Variants in TNFRSF8 observed in about 807,000 individuals in gnomAD.
The protein encoded by TNFRSF8 is TNF receptor superfamily member 8.
In TNFRSF8, 26 loss-of-function variants were observed where a neutral mutation model predicts 70.8. That is an observed-to-expected ratio of 0.37 (90% confidence interval 0.27 to 0.51). The LOEUF (loss-of-function observed/expected upper bound fraction) is 0.51, where lower values mean the gene tolerates loss of function less well. Among genes scored for constraint, TNFRSF8 ranks in the 20% least tolerant of loss-of-function variants. TNFRSF8 has a pLI of 0.94. For synonymous variants in TNFRSF8, 356 were observed against 339.2 expected, an observed-to-expected ratio of 1.05 and a Z score of -0.54; for missense variants, 720 against 807.9, an observed-to-expected ratio of 0.89 and a Z score of 1.32.
chr1:12,081,240 G>C (rs532231400), intron 1 of TNFRSF8, among the ~76,000 whole-genome samples: 10 of 152,190 alleles, frequency 6.6e-5, no homozygotes, highest in African/African-American at 1.2e-4. Flanking sequence ...AGCAGGGCCT[G>C]GGCCCATGGT....
chr1:12,095,270 G>T (rs978027202), intron 2 of TNFRSF8, among the ~76,000 whole-genome samples: 3 of 151,842 alleles, frequency 2.0e-5, no homozygotes, highest in Non-Finnish European at 4.4e-5. Flanking sequence ...AGTTTACAAA[G>T]AATCACATGT....
chr1:12,109,748 C>A lies in TNFRSF8; in HGVS notation c.512+92C>A. The A allele has an allele frequency of 8.7e-7, 1 of 1,148,564 alleles. No individual in the cohort carries two copies. The highest frequency in any genetic ancestry group is 1.3e-6 in the Non-Finnish European group (1 of 779,906). The allele number at this position is 1,148,564 out of a possible 1,614,324, so 71.1% of individuals were successfully genotyped here. On this transcript the variant is annotated intron_variant, in intron 5 of 14. Coordinates refer to ENST00000263932, the MANE Select transcript of TNFRSF8 (RefSeq NM_001243.5). The surrounding 1 kb of genome is among the most constrained non-coding windows in gnomAD (Gnocchi z 4.4). ...ACAGGACGCCCATGGTACAACTGGG[C>A]TGGGGGTGTAAGCGGGATTCAGCCC...
intron 1 of TNFRSF8, chr1:12,080,555 C>G: frequency 2.5e-6 from 1 of 402,426 alleles, no homozygotes; most frequent in Non-Finnish European, 4.8e-6. Context: ...CTTTTAATAC[C>G]TATTTTTATT....
Position 12,093,601 on chromosome 1 carries a change from C to T in TNFRSF8, c.152-3500C>T, listed in dbSNP as rs474703. ...CGTTGTCCAGGCTGGGGTGCAGTGG[C>T]GCTATGCCCGCTCACTGCAACCTCT... On this transcript the variant is annotated intron_variant, in intron 2 of 14. Transcript: ENST00000263932. Among the ~76,000 whole-genome samples, 30 of 151,986 alleles carry T rather than the reference C, an allele frequency of 2.0e-4. 2 individuals carry two copies. In the South Asian group the frequency reaches 3.3e-3, roughly 17 times the overall value.
chr1:12,090,790 G>A (rs1570010569), intron 2 of TNFRSF8, among the ~76,000 whole-genome samples: 1 of 152,164 alleles, frequency 6.6e-6, no homozygotes, highest in Non-Finnish European at 1.5e-5. Context: ...TAAGAAAAGG[G>A]GGTGCCATAG....
At chr1:12,140,933 C>T (rs1227623131) in intron 14 of TNFRSF8, among the ~76,000 whole-genome samples, 3 of 152,130 alleles carry the variant, frequency 2.0e-5, no homozygotes, top group Non-Finnish European at 4.4e-5. Flanking sequence ...TATAGGGCTC[C>T]TAGGGCTGGG....
Position 12,112,311 on chromosome 1 carries a change from G to C in TNFRSF8, c.793+297G>C, listed in dbSNP as rs926919280. ...GTCAGGGAACTTCCAAGGGCTGTGG[G>C]CTGGAGTTTGAACCCAGACAGGTGC... On this transcript the variant is annotated intron_variant, in intron 7 of 14. Coordinates refer to ENST00000263932, the MANE Select transcript of TNFRSF8 (RefSeq NM_001243.5). This position sits in a 1 kb window ranked among gnomAD's most constrained non-coding sequence, Gnocchi z 5.3. Among the ~76,000 whole-genome samples, 4 of 152,082 alleles carry C rather than the reference G, an allele frequency of 2.6e-5. No individual in the cohort carries two copies.
intron 2 of TNFRSF8, among the ~76,000 whole-genome samples, chr1:12,085,666 C>T (rs574902373): frequency 1.7e-3 from 258 of 152,304 alleles, no homozygotes; most frequent in African/African-American, 6.0e-3. Flanking sequence ...CTGGAATGTT[C>T]CCCCACCCCC....
Position 12,063,575 on chromosome 1 carries a change from G to A in TNFRSF8, c.-24G>A. ...TTCCCAGGTGGGCGCCGGCCGCCAG[G>A]CCACCTCACGTCCGGCCCCGGGGAT... On this transcript the variant is annotated 5_prime_UTR_variant, in exon 1 of 15. Transcript: ENST00000263932. This position sits in a 1 kb window ranked among gnomAD's most constrained non-coding sequence, Gnocchi z 7.2. 7.6e-7 allele frequency: 1 copy of A among 1,312,052 alleles called. No homozygotes were observed. The highest frequency in any genetic ancestry group is 9.8e-7 in the Non-Finnish European group (1 of 1,023,234). 81.3% of individuals were successfully genotyped at this position (1,312,052 alleles called of 1,614,324 possible). A position where few individuals can be genotyped will look rare whatever the true frequency, so the allele number is the denominator to read the frequency against.
At chr1:12,089,625 G>A (rs1373025163) in intron 2 of TNFRSF8, among the ~76,000 whole-genome samples, 1 of 152,134 alleles carries the variant, frequency 6.6e-6, no homozygotes, top group Non-Finnish European at 1.5e-5. Flanking sequence ...TTGGATATAG[G>A]GTTATTTGGG....
intron 2 of TNFRSF8, among the ~76,000 whole-genome samples, chr1:12,091,495 C>T (rs984535404): frequency 2.6e-5 from 4 of 151,992 alleles, no homozygotes; most frequent in African/African-American, 9.7e-5. Context: ...CCTGCCACAC[C>T]CTGGCAGAGC....
chr1:12,111,627 C>G (rs1641632916), intron 6 of TNFRSF8, among the ~76,000 whole-genome samples: 1 of 152,110 alleles, frequency 6.6e-6, no homozygotes, highest in South Asian at 2.1e-4. Context: ...AGCCATGAGA[C>G]AGGGTTGGGG....
intron 12 of TNFRSF8, among the ~76,000 whole-genome samples, chr1:12,130,333 G>A (rs1474632690): frequency 6.6e-6 from 1 of 152,232 alleles, no homozygotes; most frequent in Admixed American, 6.5e-5. Flanking sequence ...GGTCCCAGAT[G>A]AGGTCAGGGA....
chr1:12,123,781 C>T lies in TNFRSF8; in HGVS notation c.1107C>T (p.Ser369=), dbSNP rs202227728. The change falls in exon 10 of 15, where the codon AGC becomes AGT. Residue 369 remains serine, a synonymous_variant. Transcript: ENST00000263932. The stretch of plus-strand genomic sequence containing the variant: ...GTAAGACGCTGCCCATCCCAACCAG[C>T]GCTCCCGTCGCTCTCTCCTCCACGG... ...QASKTLPIPT[S]APVALSSTGK... The T allele has an allele frequency of 2.3e-4, 364 of 1,576,788 alleles. 3 individuals carry two copies. In the East Asian group the frequency reaches 8.0e-3, roughly 35 times the overall value.
At chr1:12,070,021 G>GA (rs1640814587) in intron 1 of TNFRSF8, among the ~76,000 whole-genome samples, 1 of 152,182 alleles carries the variant, frequency 6.6e-6, no homozygotes, top group African/African-American at 2.4e-5. Flanking sequence ...AGTGAGTGGA[G>GA]AGGGGTGGTT....
intron 8 of TNFRSF8, among the ~76,000 whole-genome samples, chr1:12,121,432 G>A (rs1473342397): frequency 6.6e-6 from 1 of 152,166 alleles, no homozygotes; most frequent in Non-Finnish European, 1.5e-5. Context: ...GGGCTCTGGG[G>A]GTGGAGAGGT....
At chr1:12,140,359 G>T (rs1391413144) in intron 14 of TNFRSF8, among the ~76,000 whole-genome samples, 2 of 152,174 alleles carry the variant, frequency 1.3e-5, no homozygotes, top group South Asian at 4.1e-4. Flanking sequence ...TTCCCAAGAG[G>T]GGTCACACTG....
intron 1 of TNFRSF8, among the ~76,000 whole-genome samples, chr1:12,073,819 C>T (rs937092531): frequency 1.7e-4 from 26 of 152,008 alleles, no homozygotes; most frequent in African/African-American, 4.8e-4. Context: ...TGGTCTCAAA[C>T]GCCTGACCTC....
rs754153964 is a variant in TNFRSF8 at position 12,097,214 on chromosome 1, C to G, written c.265C>G (p.Arg89Gly). ...DRCTACVTCS[R>G]DDLVEKTPCA... ...CTGTACAGCCTGCGTGACTTGTTCT[C>G]GAGGTAAGGGCCTTGTTCTCTCTCC... The change falls in exon 3 of 15, where the codon CGA (arginine) becomes GGA (glycine). Residue 89 changes from arginine (R) to glycine (G), a missense_variant. Arg to Gly is a moderately radical substitution (Grantham distance 125). Transcript: ENST00000263932. The G allele has an allele frequency of 1.9e-6, 3 of 1,613,194 alleles. No homozygotes were observed. In the East Asian group the frequency reaches 6.7e-5, roughly 36 times the overall value.
Sources: gnomAD v4.1 joint callset for allele counts (sites outside exome capture counted in the v4.1 genomes callset) on GRCh38, gnomAD v4.1.1 for gene constraint, Gnocchi (gnomAD v3.1) non-coding constraint, MANE v1.5 for transcripts, NCBI Gene and HGNC (gene_info 2026-07-23, HGNC 2026-07-21) for gene names.